Variants in LY75 observed in about 807,000 individuals in gnomAD.
LY75 encodes C-type lectin domain family 13 member B.
Under a neutral mutation model 231.7 loss-of-function variants are expected in LY75, and 185 were observed. That is an observed-to-expected ratio of 0.80 (90% CI 0.71 to 0.90). The LOEUF (loss-of-function observed/expected upper bound fraction) is 0.90, where lower values mean the gene tolerates loss of function less well. Ranked by LOEUF, LY75 falls within the 40% of genes least tolerant of loss-of-function variation. LY75 has a pLI of 0.00. For synonymous variants in LY75, 668 were observed against 689.0 expected (o/e 0.97, Z 0.48); for missense variants, 1,947 against 2,050.2 (o/e 0.95, Z 0.97).
At chr2:159,810,424 TA>T (rs1682924704) in intron 32 of LY75, 101 bp downstream of exon 32, 1 of 1,489,184 alleles carries the variant, frequency 6.7e-7, no homozygotes, top group Non-Finnish European at 9.0e-7. Flanking sequence ...GAAAGTGCTT[TA>T]AAAATATTTT....
At chr2:159,853,419 G>GT in intron 19 of LY75, 67 bp from the exon 20 acceptor site, 2 of 1,559,010 alleles carry the variant, frequency 1.3e-6, no homozygotes, top group Non-Finnish European at 8.8e-7. Context: ...TCTTTTTACT[G>GT]TAAGTTATTT....
chr2:159,878,852 AC>A (rs1403354377), intron 9 of LY75, 131 bp from the exon 10 acceptor site: 2 of 963,650 alleles, frequency 2.1e-6, no homozygotes, highest in Non-Finnish European at 1.5e-6. Context: ...TTGAAATCAT[AC>A]ATGTGATGAG....
intron 2 of LY75, 121 bp downstream of exon 2, chr2:159,898,567 T>C (rs1685968083): frequency 1.2e-5 from 18 of 1,462,684 alleles, no homozygotes; most frequent in Non-Finnish European, 1.6e-5. Flanking sequence ...TGCCTGGAAG[T>C]GAAGAGCTTA....
chr2:159,842,493 C>G, intron 23 of LY75, 119 bp from the exon 24 acceptor site: 1 of 1,231,306 alleles, frequency 8.1e-7, no homozygotes, highest in Non-Finnish European at 1.0e-6. Context: ...CATGAAGGAC[C>G]TGACCATGAC....
chr2:159,880,686 A>T (rs1353250586), intron 8 of LY75, among the ~76,000 whole-genome samples: 2 of 152,232 alleles, frequency 1.3e-5, no homozygotes, highest in East Asian at 3.8e-4. Flanking sequence ...TTTGTTGCCA[A>T]CCTTTGACAC....
rs73000763 is a variant in LY75, at chr2:159,888,692, A to C, written c.802+1521T>G. Among the ~76,000 whole-genome samples the C allele has an allele frequency of 9.9e-5, 15 of 152,198 alleles. 1 individual carries two copies. Among genetic ancestry groups the C allele is most frequent in the African/African-American group, 3.4e-4 (14 of 41,538 alleles). ...CAATAAAGCTTACAGCTTTGTGCAA[A>C]AGTGAAAAACAACCCATGAGACCCA... On this transcript the variant is annotated intron_variant, in intron 4 of 34. Transcript: ENST00000263636.
In LY75 at chr2:159,886,454, G is replaced by C; in HGVS notation, c.879C>G (p.Asp293Glu). Residue 293 changes from aspartate to glutamate, a missense_variant, in exon 5 of 35, where the codon GAC (aspartate) becomes GAG (glutamate). Asp to Glu is a conservative substitution (Grantham distance 45, BLOSUM62 2). Transcript: ENST00000263636. ...AGTTGAGAAAGTTTAATGGTTTGTGGTCTGACCATTCCCAGCCTCTAGCAG... is the reference window on the plus strand; with the variant it reads ...AGTTGAGAAAGTTTAATGGTTTGTGCTCTGACCATTCCCAGCCTCTAGCAG... ...LYSARGWEWS[D>E]HKPLNFLNWD... is the part of the protein sequence containing the mutation. 1 of 1,611,040 alleles carries C rather than the reference G, an allele frequency of 6.2e-7. No homozygotes were observed. The highest frequency in any genetic ancestry group is 8.5e-7 in the Non-Finnish European group (1 of 1,178,350).
chr2:159,886,665 T>C, intron 4 of LY75, 135 bp from the exon 5 acceptor site: 2 of 820,252 alleles, frequency 2.4e-6, no homozygotes, highest in Non-Finnish European at 1.8e-6. Context: ...GGGCTGTTTA[T>C]GCATCAAAGG....
chr2:159,881,473 T>A (rs555081688), intron 7 of LY75, among the ~76,000 whole-genome samples: 1 of 152,250 alleles, frequency 6.6e-6, no homozygotes, highest in East Asian at 1.9e-4. Context: ...GTTCCTGATA[T>A]CTGGTGTAGA....
In LY75 at chr2:159,898,942, G is replaced by A. The variant is rs1207981062; in HGVS notation, c.212C>T (p.Ser71Phe). ...ETEDKLWKWV[S>F]QHRLFHLHSQ... ...GTGCAAATGAAAGAGCCGATGCTGG[G>A]ACACCCACTTCCATAACTTGTCCTC... The change falls in exon 2 of 35, where the codon TCC becomes TTC. Residue 71 changes from serine to phenylalanine, a missense_variant. By Grantham distance (155) the Ser-to-Phe change is radical. Transcript: ENST00000263636. 5 of 1,614,222 alleles carry A rather than the reference G, an allele frequency of 3.1e-6. No individual in the cohort carries two copies. The highest frequency in any genetic ancestry group is 4.2e-6 in the Non-Finnish European group (5 of 1,180,044).
chr2:159,862,357 G>T (rs1684734026), intron 14 of LY75, among the ~76,000 whole-genome samples: 1 of 152,022 alleles, frequency 6.6e-6, no homozygotes, highest in African/African-American at 2.4e-5. Context: ...TACTGGGGAG[G>T]CTAGGTGGGA....
Position 159,835,629 on chromosome 2 carries a change from C to G in LY75, c.3524G>C (p.Gly1175Ala). ...LFSQDDELNFGWSDGKRLHFS... is the reference protein window; with the variant it reads ...LFSQDDELNFAWSDGKRLHFS... ...ATGAAGACGTTTCCCATCTGACCAA[C>G]CAAAGTTGAGTTCATCCTGTAAGGA... is the stretch of plus-strand genomic sequence containing the variant. The change falls in exon 26 of 35, where the codon GGT (glycine) becomes GCT (alanine). Residue 1175 changes from glycine to alanine, a missense_variant. Coordinates refer to ENST00000263636, the MANE Select transcript of LY75 (RefSeq NM_002349.4). 1 of 1,613,524 alleles carries G rather than the reference C, an allele frequency of 6.2e-7. No homozygotes were observed. The highest frequency in any genetic ancestry group is 8.5e-7 in the Non-Finnish European group (1 of 1,179,770).
intron 16 of LY75, among the ~76,000 whole-genome samples, chr2:159,855,411 C>T (rs1280232849): frequency 6.6e-6 from 1 of 152,110 alleles, no homozygotes; most frequent in Non-Finnish European, 1.5e-5. Flanking sequence ...CATTGTCTTC[C>T]AAGATATCCT....
At chr2:159,827,717 T>C (rs886728241) in intron 28 of LY75, among the ~76,000 whole-genome samples, 3 of 152,128 alleles carry the variant, frequency 2.0e-5, no homozygotes, top group African/African-American at 7.2e-5. Context: ...CAAATGTCCA[T>C]CAATGATAAA....
intron 6 of LY75, among the ~76,000 whole-genome samples, chr2:159,883,687 T>A (rs1380836203): frequency 2.0e-5 from 3 of 152,214 alleles, no homozygotes; most frequent in Non-Finnish European, 4.4e-5. Flanking sequence ...CTATCATCAA[T>A]TGCTCTAGTT....
chr2:159,843,527 A>G (rs1684106592), intron 23 of LY75, among the ~76,000 whole-genome samples: 1 of 152,096 alleles, frequency 6.6e-6, no homozygotes, highest in Non-Finnish European at 1.5e-5. Context: ...TACTATTGAT[A>G]AAGCTTTAAA....
chr2:159,840,982 C>A (rs777924432), intron 24 of LY75, 27 bp from the exon 25 acceptor site: 33 of 1,608,888 alleles, frequency 2.1e-5, no homozygotes, highest in Non-Finnish European at 2.7e-5. Context: ...ACAACAACAA[C>A]AACAAACCCT....
At position 159,806,995 on chromosome 2, in the gene LY75, T is replaced by G; in HGVS notation, c.4968A>C (p.Arg1656Ser). ...TACCCAGAGGCACTTTGCAGACAAC[T>G]CTTCCAAAACCATGTTCACATTCAA... ...KKVECEHGFG[R>S]VVCKVPLGPD... The change falls in exon 34 of 35, where the codon AGA becomes AGC. Residue 1656 changes from arginine (R) to serine (S), a missense_variant. Physicochemically the swap from Arg to Ser is moderately radical, Grantham distance 110 (BLOSUM62 -1). Coordinates refer to ENST00000263636, the MANE Select transcript of LY75 (RefSeq NM_002349.4). 1 of 1,613,652 alleles carries G rather than the reference T, an allele frequency of 6.2e-7. No individual in the cohort carries two copies. Among genetic ancestry groups the G allele is most frequent in the South Asian group, 1.1e-5 (1 of 90,976 alleles).
rs372474236 is a variant in LY75 at position 159,890,179 on chromosome 2, C to T, written c.802+34G>A. On this transcript the variant is annotated intron_variant, in intron 4 of 34. Coordinates refer to ENST00000263636, the MANE Select transcript of LY75 (RefSeq NM_002349.4). Reference sequence around the variant, plus strand: ...AGAAGAAGTACCTTTACAATTTTAGCCAATTTGCTCTATCACATGCAAATA... The same window carrying T: ...AGAAGAAGTACCTTTACAATTTTAGTCAATTTGCTCTATCACATGCAAATA... The T allele has an allele frequency of 3.8e-6, 6 of 1,583,938 alleles. No homozygotes were observed. In the African/African-American group the frequency reaches 4.1e-5, roughly 11 times the overall value.
Sources: allele counts gnomAD v4.1 joint callset (sites outside exome capture counted in the v4.1 genomes callset), GRCh38; gene constraint gnomAD v4.1.1; transcripts MANE v1.5; gene names NCBI Gene and HGNC (gene_info 2026-07-23, HGNC 2026-07-21).